Variants in PCDHA10 observed in about 807,000 individuals in gnomAD.
PCDHA10 encodes the protein protocadherin alpha 10, also known as protocadherin alpha-10.
A neutral mutation model predicts 61.2 loss-of-function variants in PCDHA10; 45 were observed. That is an observed-to-expected ratio of 0.74 (90% CI 0.58 to 0.94). The LOEUF (loss-of-function observed/expected upper bound fraction) is 0.94. PCDHA10 is among the 40% of genes least tolerant of loss of function. The pLI, the probability that PCDHA10 is intolerant of heterozygous loss-of-function variation, is 0.00. For missense variants in PCDHA10, 1,278 were observed against 1,236.2 expected (o/e 1.03, Z -0.51); for synonymous variants, 602 against 548.8 (o/e 1.10, Z -1.35).
rs1554262229 is a variant in PCDHA10, at chr5:141,009,613, G to A, written c.2537-14G>A. ...GTTGACCCTGTTAATGATTTGTAATGTTTTGTCTTTCAGAACCAGAGGCAG... is the reference window on the plus strand; with the variant it reads ...GTTGACCCTGTTAATGATTTGTAATATTTTGTCTTTCAGAACCAGAGGCAG... On this transcript the variant is annotated splice_polypyrimidine_tract_variant and intron_variant, in intron 3 of 3. Coordinates refer to ENST00000307360, the MANE Select transcript of PCDHA10 (RefSeq NM_018901.4). The A allele has an allele frequency of 6.2e-7, 1 of 1,611,932 alleles. No individual in the cohort carries two copies. Among genetic ancestry groups the A allele is most frequent in the Non-Finnish European group, 8.5e-7 (1 of 1,178,618 alleles).
At position 140,993,460 on chromosome 5, in the gene PCDHA10, T is replaced by TCACACA. The variant is rs1554253699; in HGVS notation, c.2536+10898_2536+10899insACACAC. ...TTCATTCCTGTTCTCCTTCTTTCTT[T>TCACACA]CTCACACACACACACACACACACAC... On this transcript the variant is annotated intron_variant, in intron 3 of 3. Transcript: ENST00000307360. Among the ~76,000 whole-genome samples, 49 of 104,564 alleles carry TCACACA rather than the reference T, an allele frequency of 4.7e-4. 1 individual carries two copies. Among genetic ancestry groups the TCACACA allele is most frequent in the Admixed American group, 1.8e-3 (15 of 8,460 alleles). 68.6% of individuals were successfully genotyped at this position (104,564 alleles called of 152,430 possible).
intron 1 of PCDHA10, among the ~76,000 whole-genome samples, chr5:140,905,904 C>T (rs2072197856): frequency 6.6e-6 from 1 of 152,160 alleles, no homozygotes; most frequent in African/African-American, 2.4e-5. Context: ...AGCTGAGGAG[C>T]AAGGAATCCA....
intron 1 of PCDHA10, chr5:140,884,272 G>A (rs1554181402): frequency 6.2e-7 from 1 of 1,613,574 alleles, no homozygotes; most frequent in South Asian, 1.1e-5. Flanking sequence ...TGCTGTTGTC[G>A]CTGGTGGAGA....
At chr5:140,909,451 G>T (rs1433382775) in intron 1 of PCDHA10, among the ~76,000 whole-genome samples, 1 of 152,216 alleles carries the variant, frequency 6.6e-6, no homozygotes, top group African/African-American at 2.4e-5. Flanking sequence ...CATTCTCCAA[G>T]ATCCATCTGT....
chr5:140,981,465 T>C (rs1226815704), intron 2 of PCDHA10, among the ~76,000 whole-genome samples: 2 of 152,116 alleles, frequency 1.3e-5, no homozygotes, highest in Non-Finnish European at 1.5e-5. Context: ...TCCCAGCTAC[T>C]TGGGAGGCTG....
At chr5:140,942,668 A>G (rs1047486718) in intron 1 of PCDHA10, among the ~76,000 whole-genome samples, 7 of 152,336 alleles carry the variant, frequency 4.6e-5, no homozygotes, top group Admixed American at 2.0e-4. Flanking sequence ...CAATAAGCAC[A>G]AAAGTTTTAG....
chr5:140,876,286 G>C (rs782471001), intron 1 of PCDHA10: 14 of 1,614,040 alleles, frequency 8.7e-6, no homozygotes, highest in Non-Finnish European at 1.0e-5. Context: ...TCCAGACGAA[G>C]GACTTAATGG....
intron 1 of PCDHA10, chr5:140,861,406 T>C (rs1301419453): frequency 2.3e-5 from 11 of 470,150 alleles, no homozygotes; most frequent in African/African-American, 2.2e-4. Flanking sequence ...CTTGTGGAGC[T>C]GATACCGCGC....
chr5:140,895,822 T>A (rs1353175200), intron 1 of PCDHA10, among the ~76,000 whole-genome samples: 1 of 152,084 alleles, frequency 6.6e-6, no homozygotes, highest in Non-Finnish European at 1.5e-5. Context: ...TTGTATTGTA[T>A]TTTTTTCAGA....
At chr5:140,895,137 G>A (rs1184479322) in intron 1 of PCDHA10, among the ~76,000 whole-genome samples, 2 of 152,072 alleles carry the variant, frequency 1.3e-5, no homozygotes, top group Non-Finnish European at 2.9e-5. Context: ...CAAGTTCATA[G>A]GGCTAAGACA....
At chr5:140,909,094 T>C (rs1445563506) in intron 1 of PCDHA10, among the ~76,000 whole-genome samples, 1 of 152,196 alleles carries the variant, frequency 6.6e-6, no homozygotes, top group Admixed American at 6.5e-5. Context: ...TACTTCTCAC[T>C]CACTGGGTCC....
chr5:140,961,222 T>C (rs1335870319), intron 1 of PCDHA10, among the ~76,000 whole-genome samples: 1 of 152,118 alleles, frequency 6.6e-6, no homozygotes, highest in East Asian at 1.9e-4. Flanking sequence ...AGAAACTGGG[T>C]CCCAAAAAGG....
rs555838945 is a variant in PCDHA10, at chr5:140,927,094, G to A, written c.2389-51855G>A. On this transcript the variant is annotated intron_variant, in intron 1 of 3. Coordinates refer to ENST00000307360, the MANE Select transcript of PCDHA10 (RefSeq NM_018901.4). ...CAGCCACCGCGAGCTCTACTTCGGG[G>A]TGGATCTACCCAGCGGCAATTTGGT... 5 of 1,612,890 alleles carry A rather than the reference G, an allele frequency of 3.1e-6. No homozygotes were observed. In the Admixed American group the frequency reaches 8.3e-5, roughly 27 times the overall value.
chr5:140,945,430 T>C (rs1389561787), intron 1 of PCDHA10, among the ~76,000 whole-genome samples: 2 of 152,082 alleles, frequency 1.3e-5, no homozygotes, highest in African/African-American at 4.8e-5. Flanking sequence ...ATGAAGTTTT[T>C]ACAGAAATAT....
chr5:140,865,798 C>T (rs1467476362), intron 1 of PCDHA10: 1 of 152,146 alleles, frequency 6.6e-6, no homozygotes, highest in East Asian at 1.9e-4. Context: ...AGGCTTCAGA[C>T]TCATTCTTTT....
chr5:140,861,926 G>A (rs994509144), intron 1 of PCDHA10: 10 of 153,960 alleles, frequency 6.5e-5, no homozygotes, highest in African/African-American at 2.2e-4. Context: ...GGATGTAAAT[G>A]ATGATGCCCA....
chr5:140,870,510 A>T, intron 1 of PCDHA10: 1 of 1,614,220 alleles, frequency 6.2e-7, no homozygotes, highest in Non-Finnish European at 8.5e-7. Context: ...ACAACCCACC[A>T]GGCTGCCACA....
chr5:140,928,106 G>A, intron 1 of PCDHA10: 4 of 1,614,150 alleles, frequency 2.5e-6, no homozygotes, highest in Non-Finnish European at 3.4e-6. Context: ...CCCCTGGACC[G>A]GGAGCAGATC....
At chr5:140,984,157 C>G (rs1187103463) in intron 3 of PCDHA10, among the ~76,000 whole-genome samples, 1 of 152,228 alleles carries the variant, frequency 6.6e-6, no homozygotes, top group Non-Finnish European at 1.5e-5. Flanking sequence ...AAGGTGAGAA[C>G]TTCCCAAAGA....
Sources: allele counts gnomAD v4.1 joint callset (sites outside exome capture counted in the v4.1 genomes callset), GRCh38; gene constraint gnomAD v4.1.1; transcripts MANE v1.5; gene names NCBI Gene and HGNC (gene_info 2026-07-23, HGNC 2026-07-21).